Variants in CTNNA2 observed in about 807,000 individuals in gnomAD.
CTNNA2 encodes the protein catenin alpha 2.
CTNNA2 carries 42 observed loss-of-function variants against 101.0 expected under a neutral mutation model. The ratio of observed to expected loss-of-function variants is 0.42; its 90% confidence interval spans 0.32 to 0.54. The LOEUF (loss-of-function observed/expected upper bound fraction) is 0.54. Among genes scored for constraint, CTNNA2 ranks in the 20% least tolerant of loss-of-function variants. The pLI, the probability that CTNNA2 is intolerant of heterozygous loss-of-function variation, is 0.14. For synonymous variants in CTNNA2, 450 were observed against 456.4 expected (o/e 0.99, Z 0.18); for missense variants, 871 against 1,223.1 (o/e 0.71, Z 4.29).
In CTNNA2 at chr2:79,731,561, A is replaced by G. The variant is rs373764798; in HGVS notation, c.103-12826A>G. ...GCTAGAGAGATGTGAGTTCGCTTAC[A>G]TGTTGGGTTTTGCTTATCATTTTCA... is the stretch of plus-strand genomic sequence containing the variant. On this transcript the variant is annotated intron_variant, in intron 2 of 18. Transcript: ENST00000402739. Among the ~76,000 whole-genome samples the G allele has an allele frequency of 3.0e-4, 46 of 152,192 alleles. 1 individual carries two copies. The South Asian group carries it at 9.5e-3, about 32-fold the overall frequency.
chr2:79,796,565 G>A (rs1188743448), intron 3 of CTNNA2, among the ~76,000 whole-genome samples: 1 of 152,184 alleles, frequency 6.6e-6, no homozygotes, highest in African/African-American at 2.4e-5. Context: ...CAACCAGATT[G>A]CCTTAAGGAC....
At chr2:79,706,930 T>A (rs1422924614) in intron 2 of CTNNA2, among the ~76,000 whole-genome samples, 1 of 152,200 alleles carries the variant, frequency 6.6e-6, no homozygotes, top group Non-Finnish European at 1.5e-5. Context: ...CTGGTCCCTC[T>A]GCCACAGAAT....
At chr2:79,986,085 C>T (rs1451987743) in intron 7 of CTNNA2, among the ~76,000 whole-genome samples, 4 of 152,140 alleles carry the variant, frequency 2.6e-5, no homozygotes, top group Non-Finnish European at 5.9e-5. Context: ...CTATGAGGGA[C>T]AAATCCTTTT....
chr2:80,522,199 C>A (rs149282119), intron 9 of CTNNA2, among the ~76,000 whole-genome samples: 1 of 152,128 alleles, frequency 6.6e-6, no homozygotes, highest in Non-Finnish European at 1.5e-5. Flanking sequence ...TACTCATTTG[C>A]AGAGAGAGTC....
At chr2:79,389,235 C>T (rs2104470403) in intron 4 of CTNNA2, among the ~76,000 whole-genome samples, 1 of 152,214 alleles carries the variant, frequency 6.6e-6, no homozygotes, top group Non-Finnish European at 1.5e-5. Flanking sequence ...TAAAGGTTTC[C>T]AATTGGATAT....
intron 7 of CTNNA2, chr2:80,027,909 G>A (rs1245370253): frequency 2.2e-5 from 3 of 136,346 alleles, no homozygotes; most frequent in African/African-American, 8.5e-5. Context: ...GGATTTTGAA[G>A]CTGCACTGAG....
At chr2:79,881,423 A>T (rs533749253) in intron 6 of CTNNA2, among the ~76,000 whole-genome samples, 8 of 152,184 alleles carry the variant, frequency 5.3e-5, no homozygotes, top group Non-Finnish European at 1.2e-4. Flanking sequence ...AAAGTCTCTC[A>T]CTATTATTGT....
intron 3 of CTNNA2, among the ~76,000 whole-genome samples, chr2:79,338,610 C>CTTCTTCTTCTTCTTCTTCTTG (rs1677058989): frequency 6.7e-6 from 1 of 149,036 alleles, no homozygotes; most frequent in African/African-American, 2.5e-5. Flanking sequence ...TCTTCTTCTT[C>CTTCTTCTTCTTCTTCTTCTTG]TTCTTCTTCT....
At chr2:79,579,202 TCCTC>T (rs1325024027) in intron 1 of CTNNA2, among the ~76,000 whole-genome samples, 1 of 149,954 alleles carries the variant, frequency 6.7e-6, no homozygotes, top group Non-Finnish European at 1.5e-5. Flanking sequence ...CTTCCTTCCT[TCCTC>T]CTTCCCTCCC....
chr2:80,094,882 T>C (rs1189701358), intron 7 of CTNNA2, among the ~76,000 whole-genome samples: 1 of 152,234 alleles, frequency 6.6e-6, no homozygotes, highest in Admixed American at 6.5e-5. Flanking sequence ...TGAAGTTGCT[T>C]ATCAACTTAA....
At chr2:79,388,868 G>T (rs1678136337) in intron 4 of CTNNA2, among the ~76,000 whole-genome samples, 1 of 150,364 alleles carries the variant, frequency 6.7e-6, no homozygotes, top group Admixed American at 6.6e-5. Flanking sequence ...ATTTTTCTTG[G>T]CTTCATCCCA....
chr2:79,619,756 T>C (rs1452027659), intron 1 of CTNNA2, among the ~76,000 whole-genome samples: 2 of 152,190 alleles, frequency 1.3e-5, no homozygotes, highest in African/African-American at 4.8e-5. Flanking sequence ...TCTCACTGAC[T>C]TAAAAGTAGA....
intron 9 of CTNNA2, among the ~76,000 whole-genome samples, chr2:80,444,387 C>T (rs775166817): frequency 3.0e-4 from 45 of 152,118 alleles, no homozygotes; most frequent in Non-Finnish European, 3.8e-4. Context: ...AAAATTATCC[C>T]TACCAAGAGG....
chr2:80,248,021 T>A (rs895490043), intron 7 of CTNNA2, among the ~76,000 whole-genome samples: 1 of 151,952 alleles, frequency 6.6e-6, no homozygotes, highest in East Asian at 1.9e-4. Context: ...TTCTTTATTT[T>A]TTTTTTTTTG....
chr2:79,966,140 G>A (rs1406724134), intron 7 of CTNNA2, among the ~76,000 whole-genome samples: 1 of 151,864 alleles, frequency 6.6e-6, no homozygotes, highest in Non-Finnish European at 1.5e-5. Flanking sequence ...AAACAGGCAG[G>A]TATTTTATTT....
chr2:79,690,532 C>G (rs1051938959), intron 2 of CTNNA2, among the ~76,000 whole-genome samples: 2 of 152,002 alleles, frequency 1.3e-5, no homozygotes, highest in African/African-American at 4.8e-5. Context: ...TTTATCCAGT[C>G]TATCGTTGAT....
chr2:79,784,325 G>T (rs1674676860), intron 3 of CTNNA2, among the ~76,000 whole-genome samples: 1 of 151,692 alleles, frequency 6.6e-6, no homozygotes, highest in African/African-American at 2.4e-5. Context: ...AGTTCCCCTG[G>T]GCACAGTTAT....
At chr2:80,616,565 G>A (rs545042394) in intron 17 of CTNNA2, 4 of 151,730 alleles carry the variant, frequency 2.6e-5, no homozygotes, top group Non-Finnish European at 5.9e-5. Context: ...ACATCTGTCT[G>A]GTCAGAATGA....
chr2:79,527,736 A>G (rs1023391400), intron 1 of CTNNA2, among the ~76,000 whole-genome samples: 1 of 152,170 alleles, frequency 6.6e-6, no homozygotes, highest in Non-Finnish European at 1.5e-5. Flanking sequence ...TGATGCCGCT[A>G]ATTTGGAAAA....
Sources: allele counts gnomAD v4.1 joint callset (sites outside exome capture counted in the v4.1 genomes callset), GRCh38; gene constraint gnomAD v4.1.1; transcripts MANE v1.5; gene names NCBI Gene and HGNC (gene_info 2026-07-23, HGNC 2026-07-21).